NEBL: variants seen among roughly 807,000 people sequenced by gnomAD.
NEBL encodes nebulette.
NEBL carries 122 observed loss-of-function variants against 140.2 expected under a neutral mutation model. The observed-to-expected ratio is 0.87, with a 90% CI of 0.75 to 1.01. The LOEUF (loss-of-function observed/expected upper bound fraction) is 1.01. Ranked by LOEUF, NEBL falls within the 50% of genes least tolerant of loss-of-function variation. The pLI, the probability that NEBL is intolerant of heterozygous loss-of-function variation, is 0.00. For synonymous variants in NEBL, 436 were observed against 398.9 expected (o/e 1.09, Z -1.11); for missense variants, 1,365 against 1,231.3 (o/e 1.11, Z -1.62).
At chr10:21,246,202 C>A (rs2132268813) in intron 3 of NEBL, among the ~76,000 whole-genome samples, 1 of 152,224 alleles carries the variant, frequency 6.6e-6, no homozygotes, top group East Asian at 1.9e-4. Context: ...TTGCACCATG[C>A]CAAGTGTTTA....
intron 3 of NEBL, among the ~76,000 whole-genome samples, chr10:21,208,852 A>C (rs1438239290): frequency 1.3e-5 from 2 of 152,220 alleles, no homozygotes; most frequent in Non-Finnish European, 2.9e-5. Context: ...AAAAGAAAAC[A>C]GAACAGTTTG....
upstream of NEBL, among the ~76,000 whole-genome samples, chr10:21,175,501 C>T (rs900107805): frequency 6.6e-6 from 1 of 152,106 alleles, no homozygotes; most frequent in South Asian, 2.1e-4. Flanking sequence ...TCTGTCATTT[C>T]AAAAAAATAT....
At chr10:21,260,136 C>A (rs935461550) in intron 1 of NEBL, among the ~76,000 whole-genome samples, 5 of 152,236 alleles carry the variant, frequency 3.3e-5, no homozygotes, top group African/African-American at 1.2e-4. Context: ...TTGGGTTATG[C>A]TGAAACTGAA....
chr10:21,012,880 AG>A (rs1838400839), intron 3 of NEBL, among the ~76,000 whole-genome samples: 1 of 152,172 alleles, frequency 6.6e-6, no homozygotes, highest in Admixed American at 6.5e-5. Flanking sequence ...AAGGAATCAA[AG>A]GACCAACTTT....
intron 3 of NEBL, among the ~76,000 whole-genome samples, chr10:21,011,663 TGTGG>T (rs1169982703): frequency 7.3e-6 from 1 of 137,492 alleles, no homozygotes; most frequent in African/African-American, 3.4e-5. Context: ...TGTTGGCATC[TGTGG>T]CATCTGTTGG....
chr10:21,219,791 A>G (rs1367352675), intron 3 of NEBL, among the ~76,000 whole-genome samples: 1 of 150,032 alleles, frequency 6.7e-6, no homozygotes, highest in Non-Finnish European at 1.5e-5. Context: ...TCCAGTGTAC[A>G]GATGTTTCAC....
intron 4 of NEBL, among the ~76,000 whole-genome samples, chr10:20,939,894 A>C (rs1382047366): frequency 1.3e-5 from 2 of 152,332 alleles, no homozygotes; most frequent in Middle Eastern, 6.8e-3. Flanking sequence ...ACTATCCTAC[A>C]TATATATGCA....
intron 3 of NEBL, among the ~76,000 whole-genome samples, chr10:21,199,009 A>T (rs1433012819): frequency 2.7e-5 from 4 of 150,152 alleles, no homozygotes; most frequent in African/African-American, 7.3e-5. Context: ...TTTTTATTTT[A>T]TTTATTTATT....
intron 3 of NEBL, among the ~76,000 whole-genome samples, chr10:21,188,902 T>C (rs1457258627): frequency 6.6e-6 from 1 of 152,164 alleles, no homozygotes; most frequent in Non-Finnish European, 1.5e-5. Context: ...GAATTCTTAA[T>C]TATCCACATA....
intron 5 of NEBL, among the ~76,000 whole-genome samples, chr10:20,879,956 T>C (rs1174472859): frequency 2.0e-5 from 3 of 152,174 alleles, no homozygotes; most frequent in Non-Finnish European, 4.4e-5. Context: ...AGAAACTGAT[T>C]TTCTACTGAC....
At chr10:21,120,281 A>T (rs1224879758) in intron 2 of NEBL, among the ~76,000 whole-genome samples, 1 of 150,302 alleles carries the variant, frequency 6.7e-6, no homozygotes, top group Non-Finnish European at 1.5e-5. Flanking sequence ...AGGCTGAGAT[A>T]GAAGGATTAC....
intron 2 of NEBL, among the ~76,000 whole-genome samples, chr10:21,063,132 G>A (rs1315703918): frequency 2.6e-5 from 4 of 152,132 alleles, no homozygotes; most frequent in Non-Finnish European, 5.9e-5. Flanking sequence ...CCATTGCTCA[G>A]AGGACTGAAA....
chr10:21,241,274 AAATAAATAAAT>A (rs1439859966), intron 3 of NEBL, among the ~76,000 whole-genome samples: 2 of 151,284 alleles, frequency 1.3e-5, no homozygotes, highest in African/African-American at 4.8e-5. Context: ...ATAAATAAAT[AAATAAATAAAT>A]AAAAATAAAA....
intron 26 of NEBL, among the ~76,000 whole-genome samples, chr10:20,806,919 A>G (rs778465350): frequency 6.6e-6 from 1 of 152,244 alleles, no homozygotes; most frequent in Non-Finnish European, 1.5e-5. Context: ...GATCAACATT[A>G]GTTCTTGTAT....
chr10:21,230,332 T>C (rs1254188611), intron 3 of NEBL, among the ~76,000 whole-genome samples: 3 of 152,110 alleles, frequency 2.0e-5, no homozygotes, highest in Admixed American at 6.6e-5. Flanking sequence ...ACAACACCTG[T>C]CCTAGGATGA....
At chr10:20,912,461 C>G (rs1588999405) in intron 4 of NEBL, among the ~76,000 whole-genome samples, 1 of 152,138 alleles carries the variant, frequency 6.6e-6, no homozygotes, top group African/African-American at 2.4e-5. Context: ...TAAAAACAAA[C>G]AAACAAAAAC....
intron 1 of NEBL, among the ~76,000 whole-genome samples, chr10:21,263,494 C>T (rs765688151): frequency 2.0e-5 from 3 of 152,098 alleles, no homozygotes; most frequent in East Asian, 3.9e-4. Flanking sequence ...CTTCTTTGTC[C>T]GTGACCAGGT....
intron 2 of NEBL, among the ~76,000 whole-genome samples, chr10:20,892,220 G>A (rs1436348773): frequency 6.6e-6 from 1 of 152,222 alleles, no homozygotes; most frequent in Non-Finnish European, 1.5e-5. Context: ...TTGGCCTGGG[G>A]AGCCACACTC....
intron 11 of NEBL, among the ~76,000 whole-genome samples, chr10:20,850,090 A>G (rs1057347360): frequency 1.3e-5 from 2 of 152,216 alleles, no homozygotes; most frequent in African/African-American, 4.8e-5. Flanking sequence ...AATATCTGAA[A>G]GGCAAAAGGT....
Sources: gnomAD v4.1 joint callset for allele counts (sites outside exome capture counted in the v4.1 genomes callset) on GRCh38, gnomAD v4.1.1 for gene constraint, MANE v1.5 for transcripts, NCBI Gene and HGNC (gene_info 2026-07-23, HGNC 2026-07-21) for gene names.